ELOVL5: variants seen among roughly 807,000 people sequenced by gnomAD.
The protein encoded by ELOVL5 is ELOVL fatty acid elongase 5.
ELOVL5 carries 8 observed loss-of-function variants against 38.6 expected under a neutral mutation model. The observed-to-expected ratio is 0.21, with a 90% CI of 0.12 to 0.37. The LOEUF is 0.37. ELOVL5 is among the 10% of genes least tolerant of loss of function. ELOVL5 has a pLI of 1.00. For synonymous variants in ELOVL5, 127 were observed against 133.7 expected, an observed-to-expected ratio of 0.95 and a Z score of 0.34; for missense variants, 280 against 367.8, an observed-to-expected ratio of 0.76 and a Z score of 1.95.
chr6:53,308,230 A>T (rs932619258), intron 1 of ELOVL5, among the ~76,000 whole-genome samples: 6 of 152,196 alleles, frequency 3.9e-5, no homozygotes, highest in African/African-American at 1.4e-4. Flanking sequence ...CCTCATTTTC[A>T]TACTCTTCAT....
At chr6:53,337,519 C>T (rs544012368) in intron 1 of ELOVL5, among the ~76,000 whole-genome samples, 1 of 152,302 alleles carries the variant, frequency 6.6e-6, no homozygotes, top group South Asian at 2.1e-4. Flanking sequence ...CCCAGGTAAG[C>T]TCTTCATTTG....
At chr6:53,310,122 CACCAATTACAAGCACGGCCTAATAAAA>C (rs1463548746) in intron 1 of ELOVL5, among the ~76,000 whole-genome samples, 3 of 152,206 alleles carry the variant, frequency 2.0e-5, no homozygotes, top group African/African-American at 7.2e-5. Context: ...ATAATTAAGG[CACCAATTACAAGCACGGCCTAATAAAA>C]TATAAACCCT....
At chr6:53,292,944 C>G (rs1360181713) in intron 2 of ELOVL5, among the ~76,000 whole-genome samples, 1 of 152,110 alleles carries the variant, frequency 6.6e-6, no homozygotes, top group Non-Finnish European at 1.5e-5. Context: ...ATAGGAAGGG[C>G]CTCTCCTGCC....
intron 1 of ELOVL5, among the ~76,000 whole-genome samples, chr6:53,335,282 GAAAATGACC>G (rs1263637232): frequency 6.6e-6 from 1 of 152,190 alleles, no homozygotes; most frequent in Non-Finnish European, 1.5e-5. Flanking sequence ...AGGCTCCGGG[GAAAATGACC>G]AAACCTGTCC....
chr6:53,326,323 G>A (rs1221081531), intron 1 of ELOVL5, among the ~76,000 whole-genome samples: 1 of 152,058 alleles, frequency 6.6e-6, no homozygotes, highest in Non-Finnish European at 1.5e-5. Flanking sequence ...ACCAAAATCA[G>A]TGGGGCCACT....
chr6:53,276,828 T>C (rs1447605546), intron 3 of ELOVL5, among the ~76,000 whole-genome samples: 2 of 151,974 alleles, frequency 1.3e-5, no homozygotes, highest in African/African-American at 4.8e-5. Context: ...GATAATTTAG[T>C]CCAACTTTAT....
At chr6:53,294,250 C>G in intron 2 of ELOVL5, 1 of 1,534,890 alleles carries the variant, frequency 6.5e-7, no homozygotes, top group Non-Finnish European at 8.8e-7. Context: ...TCTAGTCAAT[C>G]TGTGGTGGTC....
intron 5 of ELOVL5, among the ~76,000 whole-genome samples, chr6:53,274,346 G>A (rs1766032962): frequency 6.6e-6 from 1 of 151,524 alleles, no homozygotes; most frequent in Admixed American, 6.6e-5. Context: ...TCCTAGCTCT[G>A]GAATTCCATG....
intron 1 of ELOVL5, among the ~76,000 whole-genome samples, chr6:53,329,946 A>G (rs536794721): frequency 4.3e-4 from 66 of 152,356 alleles, no homozygotes; most frequent in African/African-American, 1.5e-3. Flanking sequence ...TTCTAAAAAG[A>G]CATTATATAT....
At chr6:53,334,507 G>C (rs1242824579) in intron 1 of ELOVL5, among the ~76,000 whole-genome samples, 1 of 151,820 alleles carries the variant, frequency 6.6e-6, no homozygotes, top group African/African-American at 2.4e-5. Flanking sequence ...AAATCATTCA[G>C]GGCTAAACAC....
At chr6:53,341,735 T>A (rs1179429790) in intron 1 of ELOVL5, among the ~76,000 whole-genome samples, 1 of 152,256 alleles carries the variant, frequency 6.6e-6, no homozygotes, top group African/African-American at 2.4e-5. Flanking sequence ...ACATTTAGTC[T>A]ACTAACTCTT....
chr6:53,325,489 G>A (rs1390066992), intron 1 of ELOVL5, among the ~76,000 whole-genome samples: 2 of 152,218 alleles, frequency 1.3e-5, no homozygotes, highest in Admixed American at 6.5e-5. Context: ...TCTTCTGGAT[G>A]CAGTGAGCCT....
At chr6:53,337,022 A>T (rs1162016731) in intron 1 of ELOVL5, 1 of 152,234 alleles carries the variant, frequency 6.6e-6, no homozygotes, top group Admixed American at 6.5e-5. Flanking sequence ...AACCACCAGC[A>T]AGGTCTGGTG....
intron 1 of ELOVL5, among the ~76,000 whole-genome samples, chr6:53,321,115 C>A (rs1157868366): frequency 6.6e-6 from 1 of 152,196 alleles, no homozygotes. Context: ...ACAAGAGATC[C>A]CTGCCTTCTT....
intron 1 of ELOVL5, 130 bp from the exon 2 acceptor site, chr6:53,295,837 A>T (rs1333637317): frequency 1.6e-5 from 9 of 550,318 alleles, no homozygotes; most frequent in African/African-American, 1.6e-4. Context: ...TCCTTAGGTT[A>T]AAAGAATTTA....
intron 3 of ELOVL5, among the ~76,000 whole-genome samples, chr6:53,281,786 C>CAT (rs1230645852): frequency 6.6e-6 from 1 of 150,724 alleles, no homozygotes; most frequent in Admixed American, 6.6e-5. Flanking sequence ...TAAGGATGCC[C>CAT]ATTAAGATAA....
intron 1 of ELOVL5, among the ~76,000 whole-genome samples, chr6:53,297,628 ATTG>A (rs1400401282): frequency 6.6e-6 from 1 of 152,230 alleles, no homozygotes; most frequent in Non-Finnish European, 1.5e-5. Context: ...ATTATTAGTT[ATTG>A]TTGTTAATCT....
At chr6:53,287,599 A>C (rs1473973308) in intron 3 of ELOVL5, among the ~76,000 whole-genome samples, 2 of 152,198 alleles carry the variant, frequency 1.3e-5, no homozygotes, top group Non-Finnish European at 2.9e-5. Flanking sequence ...CTTCCTTAGT[A>C]CGCTCATGGC....
chr6:53,295,841 G>T (rs1766975764), intron 1 of ELOVL5, 134 bp from the exon 2 acceptor site: 7 of 543,242 alleles, frequency 1.3e-5, no homozygotes, highest in Non-Finnish European at 2.2e-5. Flanking sequence ...TAGGTTAAAA[G>T]AATTTAATTC....
Sources: gnomAD v4.1 joint callset for allele counts (sites outside exome capture counted in the v4.1 genomes callset) on GRCh38, gnomAD v4.1.1 for gene constraint, MANE v1.5 for transcripts, NCBI Gene and HGNC (gene_info 2026-07-23, HGNC 2026-07-21) for gene names.